Variants in ULK4 observed in about 807,000 individuals in gnomAD.
ULK4 encodes the protein inactive serine/threonine-protein kinase ULK4.
A neutral mutation model predicts 160.6 loss-of-function variants in ULK4; 133 were observed. The ratio of observed to expected loss-of-function variants is 0.83; its 90% confidence interval spans 0.72 to 0.96. The LOEUF is 0.96. Ranked by LOEUF, ULK4 falls within the 40% of genes least tolerant of loss-of-function variation. The pLI, the probability that ULK4 is intolerant of heterozygous loss-of-function variation, is 0.00. For missense variants in ULK4, 1,580 were observed against 1,499.5 expected (o/e 1.05, Z -0.89); for synonymous variants, 534 against 539.8 (o/e 0.99, Z 0.15).
intron 35 of ULK4, among the ~76,000 whole-genome samples, chr3:41,385,799 G>A (rs2081794526): frequency 6.6e-6 from 1 of 152,150 alleles, no homozygotes; most frequent in Admixed American, 6.5e-5. Context: ...ACTTAGAGAG[G>A]TTGTGTCTTG....
At chr3:41,793,203 G>A (rs1488760706) in intron 20 of ULK4, among the ~76,000 whole-genome samples, 1 of 150,564 alleles carries the variant, frequency 6.6e-6, no homozygotes, top group Non-Finnish European at 1.5e-5. Context: ...AAAAAATAGA[G>A]TCTGAGATTA....
chr3:41,584,630 A>G (rs1370838382), intron 31 of ULK4, among the ~76,000 whole-genome samples: 1 of 152,216 alleles, frequency 6.6e-6, no homozygotes, highest in Non-Finnish European at 1.5e-5. Context: ...ACACAGCAAC[A>G]ACTTTCATAA....
chr3:41,367,169 C>T (rs2125778711), intron 35 of ULK4, among the ~76,000 whole-genome samples: 1 of 152,264 alleles, frequency 6.6e-6, no homozygotes, highest in East Asian at 1.9e-4. Flanking sequence ...TCCTCAAATG[C>T]CCAGCAATTC....
intron 2 of ULK4, among the ~76,000 whole-genome samples, chr3:41,951,120 G>A (rs1019553460): frequency 7.3e-6 from 1 of 137,006 alleles, no homozygotes; most frequent in Non-Finnish European, 1.5e-5. Context: ...ACTCCAGCCT[G>A]GAGGACAGAG....
chr3:41,718,942 T>A (rs773146382), intron 22 of ULK4, among the ~76,000 whole-genome samples: 26 of 152,288 alleles, frequency 1.7e-4, no homozygotes, highest in Non-Finnish European at 2.8e-4. Context: ...TCAGTTAGCA[T>A]CTTCTGTTCT....
intron 34 of ULK4, among the ~76,000 whole-genome samples, chr3:41,434,578 T>G (rs1486232172): frequency 1.3e-5 from 2 of 152,152 alleles, no homozygotes; most frequent in African/African-American, 2.4e-5. Flanking sequence ...ATTATTACTT[T>G]TAAAAGGACA....
intron 30 of ULK4, among the ~76,000 whole-genome samples, chr3:41,637,423 T>G (rs1575509475): frequency 6.6e-6 from 1 of 152,232 alleles, no homozygotes; most frequent in South Asian, 2.1e-4. Flanking sequence ...ATCTACCACA[T>G]TTTCTTTATT....
intron 35 of ULK4, among the ~76,000 whole-genome samples, chr3:41,344,704 G>A (rs186652372): frequency 9.6e-4 from 142 of 147,672 alleles, no homozygotes; most frequent in African/African-American, 3.5e-3. Context: ...AGTGAGCCGC[G>A]GTCATGATAT....
chr3:41,413,316 C>T (rs1042641181), intron 34 of ULK4, among the ~76,000 whole-genome samples: 5 of 152,010 alleles, frequency 3.3e-5, no homozygotes, highest in South Asian at 2.1e-4. Flanking sequence ...ACAGCCAAGC[C>T]ATATCAGGCG....
At chr3:41,249,930 C>T (rs2078714284) in intron 35 of ULK4, among the ~76,000 whole-genome samples, 2 of 152,172 alleles carry the variant, frequency 1.3e-5, no homozygotes, top group Admixed American at 1.3e-4. Context: ...TGCTGGGACT[C>T]AAGAGGCCTG....
At chr3:41,788,931 T>G (rs1269811873) in intron 21 of ULK4, among the ~76,000 whole-genome samples, 1 of 152,202 alleles carries the variant, frequency 6.6e-6, no homozygotes, top group East Asian at 1.9e-4. Context: ...GCAAAGCTTC[T>G]CAAAGCATAA....
At chr3:41,685,508 A>C (rs935387525) in intron 27 of ULK4, among the ~76,000 whole-genome samples, 5 of 152,182 alleles carry the variant, frequency 3.3e-5, no homozygotes, top group African/African-American at 1.2e-4. Context: ...CTTTTACTTA[A>C]GGCATTCCAA....
At chr3:41,401,425 T>C (rs1457587580) in intron 34 of ULK4, among the ~76,000 whole-genome samples, 1 of 152,150 alleles carries the variant, frequency 6.6e-6, no homozygotes, top group Non-Finnish European at 1.5e-5. Context: ...GCATGTTTAA[T>C]GAACTGGTAA....
At chr3:41,824,438 G>T (rs939874483) in intron 18 of ULK4, among the ~76,000 whole-genome samples, 5 of 152,120 alleles carry the variant, frequency 3.3e-5, no homozygotes, top group Admixed American at 3.3e-4. Flanking sequence ...GTGACAGACG[G>T]CACCTGGAAA....
chr3:41,849,650 G>A (rs2042160880), intron 17 of ULK4, among the ~76,000 whole-genome samples: 1 of 152,092 alleles, frequency 6.6e-6, no homozygotes, highest in South Asian at 2.1e-4. Flanking sequence ...CAGACTTTGG[G>A]TGACAATAAT....
intron 31 of ULK4, among the ~76,000 whole-genome samples, chr3:41,585,588 G>A (rs1376603643): frequency 6.6e-6 from 1 of 152,100 alleles, no homozygotes; most frequent in African/African-American, 2.4e-5. Context: ...ATAGAGGAAA[G>A]CTTTGGGACA....
chr3:41,794,662 A>G (rs2040245265), intron 20 of ULK4, among the ~76,000 whole-genome samples: 1 of 89,362 alleles, frequency 1.1e-5, no homozygotes, highest in Non-Finnish European at 2.1e-5. Flanking sequence ...CTCTGTCTCA[A>G]AAAAAAAAAA....
At chr3:41,814,746 A>C (rs1340161857) in intron 19 of ULK4, among the ~76,000 whole-genome samples, 4 of 152,000 alleles carry the variant, frequency 2.6e-5, no homozygotes, top group East Asian at 3.9e-4. Flanking sequence ...AATCTCCCAT[A>C]TTGCTTTTTG....
rs541404488 is a variant in ULK4, at chr3:41,517,740, G to A, written c.3226+48285C>T. ...TGGTGAGGGCACAGGCAGCAAGGGCGCCTCTGCCACTCAGGGCTGTCTCAG... is the reference window on the plus strand; with the variant it reads ...TGGTGAGGGCACAGGCAGCAAGGGCACCTCTGCCACTCAGGGCTGTCTCAG... On this transcript the variant is annotated intron_variant, in intron 32 of 36. Transcript: ENST00000301831. Among the ~76,000 whole-genome samples, 11 of 152,300 alleles carry A rather than the reference G, an allele frequency of 7.2e-5. 1 individual carries two copies. In the South Asian group the frequency reaches 1.0e-3, roughly 14 times the overall value.
Sources: gnomAD v4.1 joint callset for allele counts (sites outside exome capture counted in the v4.1 genomes callset) on GRCh38, gnomAD v4.1.1 for gene constraint, MANE v1.5 for transcripts, NCBI Gene and HGNC (gene_info 2026-07-23, HGNC 2026-07-21) for gene names.